Variants in RBM20 observed in about 807,000 individuals in gnomAD.
RBM20 encodes the protein RNA-binding protein 20.
RBM20 carries 51 observed loss-of-function variants against 110.1 expected under a neutral mutation model. The observed-to-expected ratio is 0.46, with a 90% confidence interval of 0.37 to 0.59. The LOEUF (loss-of-function observed/expected upper bound fraction) is 0.59. RBM20 is among the 20% of genes least tolerant of loss of function. The pLI is 0.00. For synonymous variants in RBM20, 589 were observed against 618.2 expected (o/e 0.95, Z 0.70); for missense variants, 1,512 against 1,574.9 (o/e 0.96, Z 0.68).
rs76777182 is a variant in RBM20 at position 110,749,314 on chromosome 10, T to C, written c.192-31487T>C. On this transcript the variant is annotated intron_variant, in intron 1 of 13. Coordinates refer to ENST00000369519, the MANE Select transcript of RBM20 (RefSeq NM_001134363.3). The stretch of plus-strand genomic sequence containing the variant: ...TACTTTTGGAAATTCAGTGTCCATG[T>C]ACAGAAAGCAATAGCATTTCTGCCG... Among the ~76,000 whole-genome samples the C allele has an allele frequency of 7.7e-3, 1,173 of 152,314 alleles. 14 individuals are homozygous for C. Among genetic ancestry groups the C allele is most frequent in the East Asian group, 0.051 (266 of 5,192 alleles).
chr10:110,776,057 T>A (rs1307400220), intron 1 of RBM20, among the ~76,000 whole-genome samples: 1 of 151,956 alleles, frequency 6.6e-6, no homozygotes, highest in Non-Finnish European at 1.5e-5. Flanking sequence ...TATCCGAGAG[T>A]GTTCCCCCAT....
chr10:110,771,526 A>G (rs557339946), intron 1 of RBM20, among the ~76,000 whole-genome samples: 1 of 152,224 alleles, frequency 6.6e-6, no homozygotes, highest in Admixed American at 6.5e-5. Flanking sequence ...TCGAATGATC[A>G]TGGGACAGTG....
intron 9 of RBM20, among the ~76,000 whole-genome samples, chr10:110,814,391 T>C (rs1844813112): frequency 6.6e-6 from 1 of 152,220 alleles, no homozygotes; most frequent in African/African-American, 2.4e-5. Context: ...TGAGCTGCTC[T>C]GTGGGCAATT....
At chr10:110,694,661 C>T (rs1395608261) in intron 1 of RBM20, among the ~76,000 whole-genome samples, 1 of 152,058 alleles carries the variant, frequency 6.6e-6, no homozygotes, top group Non-Finnish European at 1.5e-5. Flanking sequence ...GCTTGAGGTG[C>T]AGAGCTGATG....
rs1204097562 is a variant in RBM20 at position 110,644,580 on chromosome 10, G to GCAGCCGCCGCCGCCGCCC, written c.132_149dup (p.Pro50_Gln55dup). On this transcript the variant is annotated inframe_insertion, in exon 1 of 14. Coordinates refer to ENST00000369519, the MANE Select transcript of RBM20 (RefSeq NM_001134363.3). This position sits in a 1 kb window ranked among gnomAD's most constrained non-coding sequence, Gnocchi z 4.3. ...CACCCTCCGGCCCGCGAGGGATGCAGCAGCCGCCGCCGCCGCCCCAGCCAC... is the reference window on the plus strand; with the variant it reads ...CACCCTCCGGCCCGCGAGGGATGCAGCAGCCGCCGCCGCCGCCCCAGCCGCCGCCGCCGCCCCAGCCAC... 1.8e-5 allele frequency: 27 copies of GCAGCCGCCGCCGCCGCCC among 1,525,624 alleles called. No homozygotes were observed. The South Asian group carries it at 2.7e-4, about 15-fold the overall frequency. 94.5% of individuals were successfully genotyped at this position (1,525,624 alleles called of 1,614,324 possible).
chr10:110,768,970 C>T (rs1354159258), intron 1 of RBM20, among the ~76,000 whole-genome samples: 1 of 152,186 alleles, frequency 6.6e-6, no homozygotes, highest in Non-Finnish European at 1.5e-5. Flanking sequence ...TCTTCAGGGT[C>T]ATTTAAGACA....
At chr10:110,685,277 C>G (rs1310414041) in intron 1 of RBM20, among the ~76,000 whole-genome samples, 2 of 152,220 alleles carry the variant, frequency 1.3e-5, no homozygotes, top group Admixed American at 6.5e-5. Context: ...TTTCATGTAA[C>G]TCCTGGAGGC....
intron 1 of RBM20, among the ~76,000 whole-genome samples, chr10:110,774,848 G>A (rs977098566): frequency 1.3e-5 from 2 of 152,054 alleles, no homozygotes; most frequent in Admixed American, 6.6e-5. Context: ...CTGACATTCA[G>A]GAATGTCCCT....
At chr10:110,652,972 C>T (rs1002943466) in intron 1 of RBM20, among the ~76,000 whole-genome samples, 2 of 152,208 alleles carry the variant, frequency 1.3e-5, no homozygotes, top group Non-Finnish European at 2.9e-5. Context: ...TCCTGGGCAT[C>T]TCATGCTCTG....
intron 7 of RBM20, among the ~76,000 whole-genome samples, chr10:110,802,442 C>T (rs1159654054): frequency 6.8e-6 from 1 of 146,838 alleles, no homozygotes; most frequent in South Asian, 2.3e-4. Flanking sequence ...AAGTAAGCAT[C>T]CCACCCCATT....
intron 1 of RBM20, among the ~76,000 whole-genome samples, chr10:110,685,081 C>T (rs1862482959): frequency 3.3e-5 from 5 of 152,208 alleles, no homozygotes; most frequent in Admixed American, 3.3e-4. Context: ...AGGCGAATGA[C>T]CCAGCTGTTG....
chr10:110,810,794 C>T (rs34038942), intron 8 of RBM20, among the ~76,000 whole-genome samples: 7,392 of 147,400 alleles, frequency 0.05, 267 homozygotes, highest in East Asian at 0.13. Flanking sequence ...AAAAGTAATG[C>T]GTGTGTGTGT....
Position 110,721,861 on chromosome 10 carries a change from A to G in RBM20, c.192-58940A>G, listed in dbSNP as rs187837389. On this transcript the variant is annotated intron_variant, in intron 1 of 13. Transcript: ENST00000369519. ...CTCACCTACAGCCCGGAGCATGTGC[A>G]TGCAGAGCAGGCAGTCTCTGGGGGG... Among the ~76,000 whole-genome samples, 436 of 152,272 alleles carry G rather than the reference A, an allele frequency of 2.9e-3. 6 individuals are homozygous for G. The highest frequency in any genetic ancestry group is 9.7e-3 in the African/African-American group (403 of 41,548).
chr10:110,718,715 T>C (rs1026605107), intron 1 of RBM20, among the ~76,000 whole-genome samples: 15 of 150,872 alleles, frequency 9.9e-5, no homozygotes, highest in Non-Finnish European at 2.2e-4. Context: ...AGGTTCAAGC[T>C]ATTCTTCTGC....
Position 110,748,094 on chromosome 10 carries a change from G to A in RBM20, c.192-32707G>A, listed in dbSNP as rs181840444. Among the ~76,000 whole-genome samples the A allele has an allele frequency of 3.9e-5, 6 of 152,318 alleles. No individual in the cohort carries two copies. In the East Asian group the frequency reaches 1.2e-3, roughly 29 times the overall value. ...AGAGAAATGAAACTTTTATGAGTAAGTGGAGAAAGTAGTGTTAACTTTTTT... is the reference window on the plus strand; with the variant it reads ...AGAGAAATGAAACTTTTATGAGTAAATGGAGAAAGTAGTGTTAACTTTTTT... On this transcript the variant is annotated intron_variant, in intron 1 of 13. Coordinates refer to ENST00000369519, the MANE Select transcript of RBM20 (RefSeq NM_001134363.3).
At chr10:110,826,619 G>A (rs889202599) in intron 12 of RBM20, among the ~76,000 whole-genome samples, 7 of 144,060 alleles carry the variant, frequency 4.9e-5, no homozygotes, top group Admixed American at 2.8e-4. Flanking sequence ...TTTTTCTCTC[G>A]TTACCCAGGC....
intron 11 of RBM20, among the ~76,000 whole-genome samples, chr10:110,822,270 G>A (rs1247773889): frequency 6.6e-6 from 1 of 152,202 alleles, no homozygotes. Flanking sequence ...ATCAGGAGGA[G>A]CCTCGTGCCT....
At position 110,818,311 on chromosome 10, in the gene RBM20, A is replaced by AAAG. The variant is rs1421098897; in HGVS notation, c.2551-1759_2551-1758insGAA. Reference sequence around the variant, plus strand: ...CATCTCAAAAAAAAAAAAAAAACCAAAACGACAATATGGTGAGGATGTGAT... The same window carrying AAAG: ...CATCTCAAAAAAAAAAAAAAAACCAAAAGAACGACAATATGGTGAGGATGTGAT... On this transcript the variant is annotated intron_variant, in intron 9 of 13. Transcript: ENST00000369519. 4.8e-5 allele frequency among the ~76,000 whole-genome samples: 7 copies of AAAG among 145,424 alleles called. 1 individual carries two copies. The highest frequency in any genetic ancestry group is 7.6e-5 in the Non-Finnish European group (5 of 65,682).
At chr10:110,833,980 G>A (rs988923035) in intron 13 of RBM20, among the ~76,000 whole-genome samples, 1 of 152,198 alleles carries the variant, frequency 6.6e-6, no homozygotes, top group East Asian at 1.9e-4. Flanking sequence ...ACACCACTGA[G>A]AGGCCTTGAG....
Sources: allele counts gnomAD v4.1 joint callset (sites outside exome capture counted in the v4.1 genomes callset), GRCh38; gene constraint gnomAD v4.1.1; non-coding constraint Gnocchi (gnomAD v3.1); transcripts MANE v1.5; gene names NCBI Gene and HGNC (gene_info 2026-07-23, HGNC 2026-07-21).